Variants in CCBE1 observed in about 807,000 individuals in gnomAD.
The protein encoded by CCBE1 is collagen and calcium-binding EGF domain-containing protein 1.
Under a neutral mutation model 50.0 loss-of-function variants are expected in CCBE1, and 37 were observed. The ratio of observed to expected loss-of-function variants is 0.74; its 90% CI spans 0.57 to 0.97. The LOEUF (loss-of-function observed/expected upper bound fraction) is 0.97, where lower values mean the gene tolerates loss of function less well. Among genes scored for constraint, CCBE1 ranks in the 50% least tolerant of loss-of-function variants. The probability of loss-of-function intolerance (pLI) is 0.00; values close to 1 mark genes in which losing one functional copy is unlikely to be tolerated. For missense variants in CCBE1, 538 were observed against 523.8 expected, an observed-to-expected ratio of 1.03 and a Z score of -0.26; for synonymous variants, 234 against 203.7, an observed-to-expected ratio of 1.15 and a Z score of -1.27.
At chr18:59,510,773 TATTG>T (rs1914098446) in intron 2 of CCBE1, among the ~76,000 whole-genome samples, 2 of 152,212 alleles carry the variant, frequency 1.3e-5, no homozygotes, top group African/African-American at 4.8e-5. Flanking sequence ...AATTCTTCCA[TATTG>T]ATTAAAATAC....
chr18:59,672,223 T>C (rs529262516), intron 2 of CCBE1, among the ~76,000 whole-genome samples: 1 of 152,042 alleles, frequency 6.6e-6, no homozygotes, highest in Non-Finnish European at 1.5e-5. Flanking sequence ...TCATGATCCA[T>C]GGGGTGGTGG....
intron 2 of CCBE1, among the ~76,000 whole-genome samples, chr18:59,594,727 C>T (rs1219876018): frequency 6.6e-6 from 1 of 152,112 alleles, no homozygotes; most frequent in Non-Finnish European, 1.5e-5. Context: ...GTCAACAGTA[C>T]ATCTTTAACC....
At chr18:59,625,434 A>AAAAAAAAAAG (rs2144615045) in intron 2 of CCBE1, among the ~76,000 whole-genome samples, 1 of 132,390 alleles carries the variant, frequency 7.6e-6, no homozygotes, top group Admixed American at 8.0e-5. Flanking sequence ...CTGTCTCAAA[A>AAAAAAAAAAG]AAAAAAAAAA....
rs540066529 is a variant in CCBE1 at position 59,600,470 on chromosome 18, C to A, written c.212+96159G>T. On this transcript the variant is annotated intron_variant, in intron 2 of 10. Coordinates refer to ENST00000439986, the MANE Select transcript of CCBE1 (RefSeq NM_133459.4). ...ATAAATGTAATGTGCTTGAATCATC[C>A]CCAAACCATCCCCCACCTCTGGTCT... Among the ~76,000 whole-genome samples, 12 of 152,114 alleles carry A rather than the reference C, an allele frequency of 7.9e-5. No individual in the cohort carries two copies. The South Asian group carries it at 2.3e-3, about 29-fold the overall frequency.
intron 2 of CCBE1, among the ~76,000 whole-genome samples, chr18:59,604,344 T>G (rs921778261): frequency 6.6e-6 from 1 of 152,178 alleles, no homozygotes; most frequent in Admixed American, 6.5e-5. Context: ...TCTGTCTGAC[T>G]TCACACCTGA....
intron 2 of CCBE1, among the ~76,000 whole-genome samples, chr18:59,507,177 A>G (rs1006699878): frequency 3.3e-5 from 5 of 152,102 alleles, no homozygotes; most frequent in African/African-American, 7.2e-5. Flanking sequence ...TCCAAAACCA[A>G]CATCCTCCTT....
chr18:59,581,616 G>A (rs1237504585), intron 2 of CCBE1, among the ~76,000 whole-genome samples: 1 of 152,060 alleles, frequency 6.6e-6, no homozygotes, highest in African/African-American at 2.4e-5. Flanking sequence ...AGTAACCTAA[G>A]GAAAAGAAGA....
intron 2 of CCBE1, among the ~76,000 whole-genome samples, chr18:59,559,918 C>T (rs951678066): frequency 3.3e-5 from 5 of 151,536 alleles, no homozygotes; most frequent in East Asian, 3.8e-4. Flanking sequence ...ACAATGCAAC[C>T]GGGACAGTCC....
At chr18:59,573,696 C>T (rs1163332090) in intron 2 of CCBE1, among the ~76,000 whole-genome samples, 35 of 151,980 alleles carry the variant, frequency 2.3e-4, no homozygotes, top group Admixed American at 2.3e-3. Flanking sequence ...TATCTTAAAT[C>T]CTACTGCCTA....
intron 6 of CCBE1, among the ~76,000 whole-genome samples, chr18:59,450,588 C>T (rs750422310): frequency 2.1e-4 from 32 of 152,316 alleles, no homozygotes; most frequent in Non-Finnish European, 3.7e-4. Flanking sequence ...GGCTGGAGTG[C>T]AGTGGTGCAA....
At chr18:59,539,354 C>T (rs973953745) in intron 2 of CCBE1, among the ~76,000 whole-genome samples, 19 of 152,124 alleles carry the variant, frequency 1.2e-4, no homozygotes, top group Non-Finnish European at 2.4e-4. Flanking sequence ...CAACAGTCAG[C>T]GAAGAACTGA....
intron 2 of CCBE1, chr18:59,696,426 C>T (rs991023924): frequency 7.3e-7 from 1 of 1,369,732 alleles, no homozygotes; most frequent in Non-Finnish European, 9.7e-7. Flanking sequence ...ACACCCTAGA[C>T]GCAAAGTCAG....
chr18:59,606,396 A>G (rs898960297), intron 2 of CCBE1, among the ~76,000 whole-genome samples: 2 of 152,228 alleles, frequency 1.3e-5, no homozygotes, highest in African/African-American at 4.8e-5. Flanking sequence ...CTTTCTATGC[A>G]CTTTCCCCCA....
intron 2 of CCBE1, among the ~76,000 whole-genome samples, chr18:59,538,152 T>C (rs990507): frequency 0.28 from 42,247 of 152,046 alleles, 6,056 homozygotes; most frequent in African/African-American, 0.33. Flanking sequence ...AACATGAGTA[T>C]ATTTAACTCT....
At chr18:59,441,792 T>C (rs995649048) in intron 7 of CCBE1, among the ~76,000 whole-genome samples, 2 of 151,996 alleles carry the variant, frequency 1.3e-5, no homozygotes, top group Non-Finnish European at 2.9e-5. Context: ...TAAAGATAAG[T>C]CAACAGTTAC....
At chr18:59,486,979 C>CA (rs1912853671) in intron 2 of CCBE1, among the ~76,000 whole-genome samples, 1 of 151,336 alleles carries the variant, frequency 6.6e-6, no homozygotes, top group Non-Finnish European at 1.5e-5. Flanking sequence ...TCTGGGCTAC[C>CA]AAGCCAGAGA....
intron 2 of CCBE1, among the ~76,000 whole-genome samples, chr18:59,628,519 C>T (rs2053814838): frequency 6.6e-6 from 1 of 152,150 alleles, no homozygotes; most frequent in East Asian, 1.9e-4. Context: ...CCAATTCATG[C>T]TCCAGACCAA....
intron 2 of CCBE1, among the ~76,000 whole-genome samples, chr18:59,482,059 C>A (rs1912595517): frequency 6.6e-6 from 1 of 152,172 alleles, no homozygotes; most frequent in Admixed American, 6.5e-5. Context: ...CTCCCCATCC[C>A]TCAACAGGCC....
chr18:59,577,634 G>A (rs998768643), intron 2 of CCBE1, among the ~76,000 whole-genome samples: 7 of 152,166 alleles, frequency 4.6e-5, no homozygotes, highest in African/African-American at 1.2e-4. Flanking sequence ...AAGACAAACC[G>A]ATGCCTGTAC....
Sources: allele counts gnomAD v4.1 joint callset (sites outside exome capture counted in the v4.1 genomes callset), GRCh38; gene constraint gnomAD v4.1.1; transcripts MANE v1.5; gene names NCBI Gene and HGNC (gene_info 2026-07-23, HGNC 2026-07-21).